The following RAB18 variants were observed in gnomAD, a reference collection of about 807,000 sequenced individuals.
The protein encoded by RAB18 is RAB18, member RAS oncogene family.
Under a neutral mutation model 28.5 loss-of-function variants are expected in RAB18, and 10 were observed. The observed-to-expected ratio is 0.35, with a 90% confidence interval of 0.22 to 0.60. RAB18 has a LOEUF of 0.60. Ranked by LOEUF, RAB18 falls within the 20% of genes least tolerant of loss-of-function variation. The probability of loss-of-function intolerance (pLI) is 0.78; values close to 1 mark genes in which losing one functional copy is unlikely to be tolerated. For missense variants in RAB18, 188 were observed against 244.2 expected (o/e 0.77, Z 1.53); for synonymous variants, 93 against 86.9 (o/e 1.07, Z -0.39).
At position 27,540,615 on chromosome 10, in the gene RAB18, T is replaced by G. The variant is rs1008268941; in HGVS notation, c.*2564T>G. 21 of 454,006 alleles carry G rather than the reference T, an allele frequency of 4.6e-5. No individual in the cohort carries two copies. In the Admixed American group the frequency reaches 4.9e-4, roughly 11 times the overall value. The allele number at this position is 454,006 out of a possible 1,614,324, so 28.1% of individuals were successfully genotyped here. ...AGGTGGTCTTATTTCTTTCACCTGC[T>G]CAGAGTGGACTGAAAATCCTGACTT... On this transcript the variant is annotated 3_prime_UTR_variant, in exon 7 of 7. Coordinates refer to ENST00000356940, the MANE Select transcript of RAB18 (RefSeq NM_021252.5).
rs533106085 is a variant in RAB18, at chr10:27,517,480, T to G, written c.124+7550T>G. ...GGCATAGGGAATTGGACTAACAAAA[T>G]CAGCAAATCTTTTGAATAAAGACCT... On this transcript the variant is annotated intron_variant, in intron 2 of 6. Coordinates refer to ENST00000356940, the MANE Select transcript of RAB18 (RefSeq NM_021252.5). Among the ~76,000 whole-genome samples the G allele has an allele frequency of 2.4e-3, 370 of 152,220 alleles. 2 individuals carry two copies. The highest frequency in any genetic ancestry group is 3.9e-3 in the Admixed American group (59 of 15,300).
intron 2 of RAB18, among the ~76,000 whole-genome samples, chr10:27,525,292 A>G (rs1306480186): frequency 6.6e-6 from 1 of 152,084 alleles, no homozygotes; most frequent in Non-Finnish European, 1.5e-5. Context: ...TCCCTGAAAA[A>G]CCTTGAGAAT....
At position 27,504,315 on chromosome 10, in the gene RAB18, G is replaced by C; in HGVS notation, c.-55G>C. The C allele has an allele frequency of 6.5e-7, 1 of 1,527,054 alleles. No homozygotes were observed. Among genetic ancestry groups the C allele is most frequent in the South Asian group, 1.2e-5 (1 of 83,794 alleles). The allele number at this position is 1,527,054 out of a possible 1,614,324, so 94.6% of individuals were successfully genotyped here. Reference sequence around the variant, plus strand: ...ATGCGCAGCAGCTCACTCTGCTGAAGGGCTGAGAGGCGCACCCGGGCGGCC... The same window carrying C: ...ATGCGCAGCAGCTCACTCTGCTGAACGGCTGAGAGGCGCACCCGGGCGGCC... On this transcript the variant is annotated 5_prime_UTR_variant, in exon 1 of 7. Transcript: ENST00000356940.
chr10:27,504,436 A>T lies in RAB18; in HGVS notation c.67A>T (p.Ser23Cys). 6.4e-7 allele frequency: 1 copy of T among 1,564,090 alleles called. No homozygotes were observed. The highest frequency in any genetic ancestry group is 8.7e-7 in the Non-Finnish European group (1 of 1,153,548). The change falls in exon 1 of 7, where the codon AGC becomes TGC. Residue 23 changes from serine (S) to cysteine (C), a missense_variant and splice_region_variant. Transcript: ENST00000356940. ...CGGCGAGAGTGGGGTGGGCAAGTCC[A>T]GGTGAGGCGGAGGTGCGGGTCGTGA... Reference protein sequence around the residue: ...IIGESGVGKSSLLLRFTDDTF... With the variant: ...IIGESGVGKSCLLLRFTDDTF...
chr10:27,506,676 T>A (rs1589557110), intron 1 of RAB18, among the ~76,000 whole-genome samples: 1 of 152,110 alleles, frequency 6.6e-6, no homozygotes, highest in East Asian at 1.9e-4. Flanking sequence ...CCAGGTGGTC[T>A]CCAACACACA....
At chr10:27,520,931 A>AAG in intron 2 of RAB18, among the ~76,000 whole-genome samples, 1 of 150,344 alleles carries the variant, frequency 6.7e-6, no homozygotes, top group Middle Eastern at 3.4e-3. Context: ...AAAAAAAAAA[A>AAG]AAAAAAAAAA....
intron 2 of RAB18, among the ~76,000 whole-genome samples, chr10:27,515,047 G>T (rs781003164): frequency 2.6e-5 from 4 of 152,170 alleles, no homozygotes; most frequent in Non-Finnish European, 4.4e-5. Context: ...TTGCAGGTGT[G>T]AGCCACTGCT....
intron 2 of RAB18, among the ~76,000 whole-genome samples, chr10:27,512,475 T>C (rs984276441): frequency 3.9e-5 from 6 of 151,918 alleles, no homozygotes; most frequent in African/African-American, 9.7e-5. Flanking sequence ...CTGGCTAATT[T>C]TTGTATTTTT....
At chr10:27,533,592 GAC>G in intron 4 of RAB18, 141 bp from the exon 5 acceptor site, 1 of 910,794 alleles carries the variant, frequency 1.1e-6, no homozygotes, top group African/African-American at 1.7e-5. Context: ...TGGATCAGTA[GAC>G]ACTCAATATT....
rs755822938 is a variant in RAB18 at position 27,539,155 on chromosome 10, C to T, written c.*1104C>T. On this transcript the variant is annotated 3_prime_UTR_variant, in exon 7 of 7. Coordinates refer to ENST00000356940, the MANE Select transcript of RAB18 (RefSeq NM_021252.5). ...CTTGTACAGACTAATAAATCTTTTTCACAGTATTCAGTTTTCTCACCTCTT... is the reference window on the plus strand; with the variant it reads ...CTTGTACAGACTAATAAATCTTTTTTACAGTATTCAGTTTTCTCACCTCTT... 32 of 356,916 alleles carry T rather than the reference C, an allele frequency of 9.0e-5. No individual in the cohort carries two copies. The highest frequency in any genetic ancestry group is 1.3e-4 in the Non-Finnish European group (24 of 182,508). The allele number at this position is 356,916 out of a possible 1,614,324, so 22.1% of individuals were successfully genotyped here.
chr10:27,540,451 T>C lies in RAB18; in HGVS notation c.*2400T>C, dbSNP rs1454947757. ...ACCAGCTTTTTGTAACACAACCAAG[T>C]TAAGGCAGTTCCACTATTTCTTTAT... On this transcript the variant is annotated 3_prime_UTR_variant, in exon 7 of 7. Transcript: ENST00000356940. 4.4e-6 allele frequency: 2 copies of C among 454,070 alleles called. No individual in the cohort carries two copies. The highest frequency in any genetic ancestry group is 4.7e-5 in the Admixed American group (2 of 42,574). The allele number at this position is 454,070 out of a possible 1,614,324, so 28.1% of individuals were successfully genotyped here.
chr10:27,532,402 C>T, intron 3 of RAB18, 105 bp from the exon 4 acceptor site: 1 of 800,714 alleles, frequency 1.2e-6, no homozygotes, highest in Admixed American at 2.1e-5. Context: ...TGAGCTCATG[C>T]ATTAATACTA....
At chr10:27,509,969 A>G (rs1396250297) in intron 2 of RAB18, 39 bp downstream of exon 2, 4 of 1,520,080 alleles carry the variant, frequency 2.6e-6, no homozygotes, top group Admixed American at 1.7e-5. Context: ...AATGGCCAGT[A>G]TTTTCTTGCC....
intron 2 of RAB18, among the ~76,000 whole-genome samples, chr10:27,522,667 ACT>A: frequency 6.6e-6 from 1 of 151,536 alleles, no homozygotes; most frequent in South Asian, 2.1e-4. Flanking sequence ...ATATGCTTTG[ACT>A]CTCTTCACAT....
chr10:27,533,718 G>T lies in RAB18; in HGVS notation c.260-17G>T. On this transcript the variant is annotated splice_polypyrimidine_tract_variant and intron_variant, in intron 4 of 6. Transcript: ENST00000356940. ...TTTCTTTAATGCTTATTTAACAAAT[G>T]ACTCCTTTTATTTCAGTTTATGATG... is the stretch of plus-strand genomic sequence containing the variant. The T allele has an allele frequency of 1.9e-6, 3 of 1,610,818 alleles. No individual in the cohort carries two copies. Among genetic ancestry groups the T allele is most frequent in the South Asian group, 2.2e-5 (2 of 90,540 alleles).
chr10:27,523,753 C>T (rs1834615457), intron 2 of RAB18, among the ~76,000 whole-genome samples: 1 of 151,754 alleles, frequency 6.6e-6, no homozygotes, highest in Non-Finnish European at 1.5e-5. Context: ...GCTGGGACTA[C>T]AGGCGCAAGC....
At chr10:27,513,698 A>T (rs1029760486) in intron 2 of RAB18, among the ~76,000 whole-genome samples, 1 of 152,206 alleles carries the variant, frequency 6.6e-6, no homozygotes, top group Non-Finnish European at 1.5e-5. Context: ...AGTGGCCATC[A>T]GGCTGGCTGC....
rs1411941719 is a variant in RAB18, at chr10:27,542,174, GA to G, written c.*4125del. On this transcript the variant is annotated 3_prime_UTR_variant, in exon 7 of 7. Transcript: ENST00000356940. ...GGAACTTCTGGATCAAATTGGACCT[GA>G]ATTGAGATCTATTTCTCAGCTTTCA... is the stretch of plus-strand genomic sequence containing the variant. The G allele has an allele frequency of 2.2e-6, 1 of 453,968 alleles. No individual in the cohort carries two copies. Among genetic ancestry groups the G allele is most frequent in the East Asian group, 6.9e-5 (1 of 14,404 alleles). The allele number at this position is 453,968 out of a possible 1,614,324, so 28.1% of individuals were successfully genotyped here. A position where few individuals can be genotyped will look rare whatever the true frequency, so the allele number is the denominator to read the frequency against.
intron 3 of RAB18, among the ~76,000 whole-genome samples, chr10:27,527,516 A>G: frequency 6.6e-6 from 1 of 151,884 alleles, no homozygotes; most frequent in Non-Finnish European, 1.5e-5. Context: ...TCTCCCTTTC[A>G]TCAGTCTATT....
Sources: allele counts gnomAD v4.1 joint callset (sites outside exome capture counted in the v4.1 genomes callset), GRCh38; gene constraint gnomAD v4.1.1; transcripts MANE v1.5; gene names NCBI Gene and HGNC (gene_info 2026-07-23, HGNC 2026-07-21).